SEPTIN2: variants seen among roughly 807,000 people sequenced by gnomAD.
The protein encoded by SEPTIN2 is septin 2.
A neutral mutation model predicts 46.5 loss-of-function variants in SEPTIN2; 34 were observed. The observed-to-expected ratio is 0.73, with a 90% CI of 0.56 to 0.97. The LOEUF (loss-of-function observed/expected upper bound fraction) is 0.97, where lower values mean the gene tolerates loss of function less well. Ranked by LOEUF, SEPTIN2 falls within the 50% of genes least tolerant of loss-of-function variation. SEPTIN2 has a pLI of 0.00. For synonymous variants in SEPTIN2, 175 were observed against 153.4 expected (o/e 1.14, Z -1.04); for missense variants, 347 against 448.4 (o/e 0.77, Z 2.04).
intron 7 of SEPTIN2, among the ~76,000 whole-genome samples, chr2:241,338,546 T>G (rs1328711616): frequency 1.4e-5 from 2 of 146,430 alleles, no homozygotes; most frequent in East Asian, 3.9e-4. Context: ...GCCCAGAAGT[T>G]GGAGGCCAAC....
chr2:241,324,200 G>A lies in SEPTIN2; in HGVS notation c.-17-16G>A. On this transcript the variant is annotated splice_polypyrimidine_tract_variant and intron_variant, in intron 1 of 12. Coordinates refer to ENST00000391971, the MANE Select transcript of SEPTIN2 (RefSeq NM_004404.5). ...TATGTGCGTTTATGTGTGTCTGTGT[G>A]TTTTTTTTTTAACAGACGAAGCTTC... 7.0e-7 allele frequency: 1 copy of A among 1,418,960 alleles called. No individual in the cohort carries two copies. 87.9% of individuals were successfully genotyped at this position (1,418,960 alleles called of 1,614,324 possible).
At chr2:241,321,342 G>A (rs1248056525) in intron 1 of SEPTIN2, among the ~76,000 whole-genome samples, 1 of 151,856 alleles carries the variant, frequency 6.6e-6, no homozygotes, top group African/African-American at 2.4e-5. Context: ...GAATATACAG[G>A]CTTATGAATA....
chr2:241,353,702 A>G lies in SEPTIN2; in HGVS notation c.*1765A>G, dbSNP rs1313635829. The G allele has an allele frequency of 1.3e-5, 2 of 152,960 alleles. No homozygotes were observed. The highest frequency in any genetic ancestry group is 2.9e-5 in the Non-Finnish European group (2 of 68,038). The allele number at this position is 152,960 out of a possible 1,614,324, so 9.5% of individuals were successfully genotyped here. On this transcript the variant is annotated 3_prime_UTR_variant, in exon 13 of 13. Transcript: ENST00000391971. Reference sequence around the variant, plus strand: ...AGTCCATTATTTGAGTTTGACATTTAATAACTTTGCTGGAAAATCTGTAAA... The same window carrying G: ...AGTCCATTATTTGAGTTTGACATTTGATAACTTTGCTGGAAAATCTGTAAA...
At chr2:241,342,881 AT>A (rs551136859) in intron 7 of SEPTIN2, 110 bp from the exon 8 acceptor site, 2 of 653,956 alleles carry the variant, frequency 3.1e-6, no homozygotes, top group South Asian at 2.0e-5. Context: ...CATCAGTTTG[AT>A]TATTGACATT....
chr2:241,338,617 A>T (rs972075182), intron 7 of SEPTIN2, among the ~76,000 whole-genome samples: 20 of 131,744 alleles, frequency 1.5e-4, no homozygotes, highest in Non-Finnish European at 3.1e-4. Flanking sequence ...TATATATATA[A>T]TATATAATTA....
At chr2:241,328,058 A>C (rs1319083079) in intron 3 of SEPTIN2, among the ~76,000 whole-genome samples, 1 of 152,088 alleles carries the variant, frequency 6.6e-6, no homozygotes, top group Non-Finnish European at 1.5e-5. Context: ...GTCTCAAGAA[A>C]AGAAAAAAGT....
At chr2:241,339,247 G>C (rs924762375) in intron 7 of SEPTIN2, among the ~76,000 whole-genome samples, 9 of 151,012 alleles carry the variant, frequency 6.0e-5, no homozygotes, top group African/African-American at 2.2e-4. Context: ...ACAAAAGTTA[G>C]CCGGGCGTGG....
At chr2:241,335,846 C>T in intron 4 of SEPTIN2, 129 bp from the exon 5 acceptor site, 1 of 1,157,156 alleles carries the variant, frequency 8.6e-7, no homozygotes, top group South Asian at 1.3e-5. Context: ...TTTTCTTAAT[C>T]CCCATGGTAT....
chr2:241,327,537 C>T (rs1030239774), intron 3 of SEPTIN2, among the ~76,000 whole-genome samples: 2 of 150,604 alleles, frequency 1.3e-5, no homozygotes, highest in Non-Finnish European at 3.0e-5. Flanking sequence ...AAAATAATGC[C>T]TGGGAATTGT....
chr2:241,352,110 T>C lies in SEPTIN2; in HGVS notation c.*173T>C, dbSNP rs552000696. The C allele has an allele frequency of 6.5e-6, 1 of 152,822 alleles. No individual in the cohort carries two copies. Among genetic ancestry groups the C allele is most frequent in the South Asian group, 2.1e-4 (1 of 4,830 alleles). 9.5% of individuals were successfully genotyped at this position (152,822 alleles called of 1,614,324 possible). ...TTTAAAAGACTTTGATGTGTTTTTG[T>C]ATGAAGTACTTTTAACGTATGTATT... On this transcript the variant is annotated 3_prime_UTR_variant, in exon 13 of 13. Transcript: ENST00000391971.
At position 241,337,674 on chromosome 2, in the gene SEPTIN2, C is replaced by CTT; in HGVS notation, c.479_480dup (p.Lys161LeufsTer4). The CTT allele has an allele frequency of 6.2e-7, 1 of 1,609,228 alleles. No individual in the cohort carries two copies. The highest frequency in any genetic ancestry group is 8.5e-7 in the Non-Finnish European group (1 of 1,177,190). ...TGACAATTCTAAAATTAATTTTAGA[C>CTT]TTAAGCCCTTAGATGTGGCGTTTAT... On this transcript the variant is annotated frameshift_variant and splice_region_variant, in exon 7 of 13. Coordinates refer to ENST00000391971, the MANE Select transcript of SEPTIN2 (RefSeq NM_004404.5). LOFTEE classifies it high-confidence loss of function.
Position 241,333,979 on chromosome 2 carries a change from T to C in SEPTIN2, c.131-1147T>C, listed in dbSNP as rs114610194. On this transcript the variant is annotated intron_variant, in intron 3 of 12. Transcript: ENST00000391971. The stretch of plus-strand genomic sequence containing the variant: ...AATCCTTCTGCCCTAGCCTCCCAAG[T>C]AGCTGGGACTCTAGGTACAAGCCAC... Among the ~76,000 whole-genome samples, 944 of 152,256 alleles carry C rather than the reference T, an allele frequency of 6.2e-3. 18 individuals are homozygous for C. The highest frequency in any genetic ancestry group is 0.021 in the African/African-American group (882 of 41,548).
chr2:241,351,088 A>C (rs1227846081), intron 12 of SEPTIN2, among the ~76,000 whole-genome samples: 3 of 152,198 alleles, frequency 2.0e-5, no homozygotes, highest in African/African-American at 7.2e-5. Flanking sequence ...GGTCTCTACT[A>C]CAATTCAGGG....
At chr2:241,319,605 T>C (rs953818359) in intron 1 of SEPTIN2, among the ~76,000 whole-genome samples, 1 of 152,234 alleles carries the variant, frequency 6.6e-6, no homozygotes, top group Non-Finnish European at 1.5e-5. Flanking sequence ...CCTTTTTTTC[T>C]TTTTTTGAGA....
chr2:241,349,362 C>A, intron 11 of SEPTIN2, among the ~76,000 whole-genome samples: 1 of 139,096 alleles, frequency 7.2e-6, no homozygotes. Flanking sequence ...GAGCAAGATC[C>A]CATCCCTTTA....
At chr2:241,348,442 G>A (rs1434902670) in intron 11 of SEPTIN2, among the ~76,000 whole-genome samples, 1 of 152,092 alleles carries the variant, frequency 6.6e-6, no homozygotes, top group Non-Finnish European at 1.5e-5. Context: ...TGTTGGCCAG[G>A]CTGGTCTCGA....
intron 1 of SEPTIN2, among the ~76,000 whole-genome samples, chr2:241,323,737 C>T (rs2077495827): frequency 6.6e-6 from 1 of 152,020 alleles, no homozygotes. Flanking sequence ...ATTAGCGCTC[C>T]CAGGGTGGGG....
intron 10 of SEPTIN2, chr2:241,346,554 A>G (rs892453810): frequency 6.0e-6 from 1 of 167,420 alleles, no homozygotes; most frequent in Non-Finnish European, 1.3e-5. Context: ...TTTTGAGACC[A>G]TGAGATTACA....
In SEPTIN2 at chr2:241,319,534, T is replaced by G. The variant is rs562238675; in HGVS notation, c.-18+3552T>G. On this transcript the variant is annotated intron_variant, in intron 1 of 12. Coordinates refer to ENST00000391971, the MANE Select transcript of SEPTIN2 (RefSeq NM_004404.5). Reference sequence around the variant, plus strand: ...TTAAATAGATTTAATTTTCTATTGTTTAGAAAACAGTATTTGCCTTTGGTT... The same window carrying G: ...TTAAATAGATTTAATTTTCTATTGTGTAGAAAACAGTATTTGCCTTTGGTT... 7.9e-5 allele frequency among the ~76,000 whole-genome samples: 12 copies of G among 152,390 alleles called. No individual in the cohort carries two copies. The South Asian group carries it at 2.5e-3, about 32-fold the overall frequency.
Sources: gnomAD v4.1 joint callset for allele counts (sites outside exome capture counted in the v4.1 genomes callset) on GRCh38, gnomAD v4.1.1 for gene constraint, MANE v1.5 for transcripts, NCBI Gene and HGNC (gene_info 2026-07-23, HGNC 2026-07-21) for gene names.